KIAA1671: variants seen among roughly 807,000 people sequenced by gnomAD.
KIAA1671 encodes uncharacterized protein KIAA1671.
A neutral mutation model predicts 131.2 loss-of-function variants in KIAA1671; 52 were observed. The observed-to-expected ratio is 0.40, with a 90% CI of 0.32 to 0.50. The LOEUF is 0.50. Among genes scored for constraint, KIAA1671 ranks in the 20% least tolerant of loss-of-function variants. The pLI is 0.73. For synonymous variants in KIAA1671, 1,003 were observed against 961.6 expected (o/e 1.04, Z -0.80); for missense variants, 2,360 against 2,364.2 (o/e 1.00, Z 0.04).
intron 6 of KIAA1671, among the ~76,000 whole-genome samples, chr22:25,082,917 T>A (rs565337530): frequency 6.6e-6 from 1 of 152,356 alleles, no homozygotes; most frequent in East Asian, 1.9e-4. Context: ...TGTTTCATAT[T>A]GTTTTAATAT....
In KIAA1671 at chr22:25,178,372, G is replaced by A. The variant is rs1360168196; in HGVS notation, c.5074+850G>A. On this transcript the variant is annotated intron_variant, in intron 9 of 12. Transcript: ENST00000358431. Reference sequence around the variant, plus strand: ...CCAACACCTGGATCTGTGGGCAGCGGTCCCACAAAATCCCCCTTGGGGCTC... The same window carrying A: ...CCAACACCTGGATCTGTGGGCAGCGATCCCACAAAATCCCCCTTGGGGCTC... Among the ~76,000 whole-genome samples, 3 of 152,198 alleles carry A rather than the reference G, an allele frequency of 2.0e-5. No homozygotes were observed. The East Asian group carries it at 5.8e-4, about 29-fold the overall frequency.
At chr22:25,179,033 CCT>C (rs1934156754) in intron 9 of KIAA1671, among the ~76,000 whole-genome samples, 1 of 152,236 alleles carries the variant, frequency 6.6e-6, no homozygotes, top group Non-Finnish European at 1.5e-5. Flanking sequence ...GTCACCGCCA[CCT>C]CTCTCACAGG....
intron 9 of KIAA1671, among the ~76,000 whole-genome samples, chr22:25,180,425 C>A (rs200239400): frequency 6.6e-6 from 1 of 152,116 alleles, no homozygotes; most frequent in East Asian, 1.9e-4. Context: ...GTAATCCCAG[C>A]TACTTAGGAG....
chr22:25,121,485 G>A (rs1329726509), intron 6 of KIAA1671, among the ~76,000 whole-genome samples: 1 of 151,794 alleles, frequency 6.6e-6, no homozygotes. Context: ...AAAAGAGAAT[G>A]GAGTCTTTAG....
At chr22:24,953,187 C>G (rs1489181816) in intron 1 of KIAA1671, among the ~76,000 whole-genome samples, 2 of 152,122 alleles carry the variant, frequency 1.3e-5, no homozygotes. Context: ...AGACTGGGAG[C>G]GAGAGGATCA....
At chr22:25,156,462 ATGTT>A (rs1933246633) in intron 6 of KIAA1671, among the ~76,000 whole-genome samples, 2 of 150,976 alleles carry the variant, frequency 1.3e-5, no homozygotes, top group African/African-American at 4.9e-5. Context: ...TTTTGTGTAC[ATGTT>A]TGTGTGCATT....
At chr22:25,013,057 G>A (rs1925121001) in intron 1 of KIAA1671, 1 of 152,250 alleles carries the variant, frequency 6.6e-6, no homozygotes, top group East Asian at 1.9e-4. Flanking sequence ...GTGGGATGGG[G>A]TTGGATGAGT....
chr22:25,072,410 C>G (rs1304862864), intron 6 of KIAA1671, among the ~76,000 whole-genome samples: 5 of 152,172 alleles, frequency 3.3e-5, no homozygotes, highest in Non-Finnish European at 5.9e-5. Context: ...GAGAGATTTT[C>G]ATTTGTCCGC....
At chr22:25,032,908 C>T (rs1926371840) in intron 4 of KIAA1671, among the ~76,000 whole-genome samples, 1 of 152,140 alleles carries the variant, frequency 6.6e-6, no homozygotes, top group South Asian at 2.1e-4. Flanking sequence ...ATGCTGTTTA[C>T]AAATGTTATC....
chr22:25,047,215 A>G (rs1461957364), intron 5 of KIAA1671, among the ~76,000 whole-genome samples: 2 of 145,868 alleles, frequency 1.4e-5, no homozygotes, highest in African/African-American at 5.1e-5. Flanking sequence ...CAGTGGCATG[A>G]TCTCGGCTCA....
At chr22:25,015,227 T>TA (rs3063199) in intron 1 of KIAA1671, among the ~76,000 whole-genome samples, 3,485 of 115,742 alleles carry the variant, frequency 0.03, 79 homozygotes, top group East Asian at 0.12. Context: ...CCTTGTCCCT[T>TA]AAAAAAAAAA....
At position 25,074,593 on chromosome 22, in the gene KIAA1671, G is replaced by GTA. The variant is rs924202391; in HGVS notation, c.4530+25241_4530+25242dup. ...TATATGCATATGTGTGTGTGTGCGT[G>GTA]TATATATATATATGGAAACATGTGT... On this transcript the variant is annotated intron_variant, in intron 6 of 12. Coordinates refer to ENST00000358431, the MANE Select transcript of KIAA1671 (RefSeq NM_001145206.2). Among the ~76,000 whole-genome samples, 80 of 149,614 alleles carry GTA rather than the reference G, an allele frequency of 5.3e-4. No homozygotes were observed. In the East Asian group the frequency reaches 0.011, roughly 20 times the overall value.
At chr22:25,186,926 G>A (rs939829606) in intron 11 of KIAA1671, among the ~76,000 whole-genome samples, 2 of 152,232 alleles carry the variant, frequency 1.3e-5, no homozygotes, top group African/African-American at 2.4e-5. Flanking sequence ...GAAACCCCCA[G>A]ACTAGGGCCT....
chr22:25,137,644 C>T (rs184197260), intron 6 of KIAA1671, among the ~76,000 whole-genome samples: 7 of 152,356 alleles, frequency 4.6e-5, no homozygotes, highest in African/African-American at 1.4e-4. Context: ...GCTGAGGAAT[C>T]GAATGGGGCA....
intron 1 of KIAA1671, among the ~76,000 whole-genome samples, chr22:25,016,947 G>A (rs1925360197): frequency 6.6e-6 from 1 of 152,208 alleles, no homozygotes; most frequent in Non-Finnish European, 1.5e-5. Flanking sequence ...TATAGGCGGT[G>A]TGCCCAGAGT....
intron 1 of KIAA1671, among the ~76,000 whole-genome samples, chr22:24,980,072 C>T (rs189960303): frequency 1.1e-4 from 16 of 151,590 alleles, no homozygotes; most frequent in African/African-American, 3.9e-4. Context: ...TCAAGCAATT[C>T]TCCTGCCTCA....
At chr22:25,151,454 C>T (rs1188650731) in intron 6 of KIAA1671, among the ~76,000 whole-genome samples, 4 of 114,176 alleles carry the variant, frequency 3.5e-5, no homozygotes, top group East Asian at 2.6e-4. Flanking sequence ...TTTTTTGAGA[C>T]GGAATCTCAC....
chr22:25,192,712 A>G lies in KIAA1671; in HGVS notation c.*311A>G, dbSNP rs903532993. The stretch of plus-strand genomic sequence containing the variant: ...TATGTAAAAATTTGCATTTCTACCT[A>G]TTTTAGACACCTTCATCAGCTCCAA... On this transcript the variant is annotated 3_prime_UTR_variant, in exon 13 of 13. Transcript: ENST00000358431. 1.3e-5 allele frequency: 2 copies of G among 152,154 alleles called. No individual in the cohort carries two copies. Among genetic ancestry groups the G allele is most frequent in the Admixed American group, 6.5e-5 (1 of 15,276 alleles). The allele number at this position is 152,154 out of a possible 1,614,324, so 9.4% of individuals were successfully genotyped here.
At chr22:25,150,806 T>C (rs1386536183) in intron 6 of KIAA1671, among the ~76,000 whole-genome samples, 1 of 151,560 alleles carries the variant, frequency 6.6e-6, no homozygotes, top group Non-Finnish European at 1.5e-5. Flanking sequence ...CGTAACTGTG[T>C]TGGTTTATGA....
Sources: allele counts gnomAD v4.1 joint callset (sites outside exome capture counted in the v4.1 genomes callset), GRCh38; gene constraint gnomAD v4.1.1; transcripts MANE v1.5; gene names NCBI Gene and HGNC (gene_info 2026-07-23, HGNC 2026-07-21).